The following PREX1 variants were observed in gnomAD, a reference collection of about 807,000 sequenced individuals.
The protein encoded by PREX1 is phosphatidylinositol-3,4,5-trisphosphate dependent Rac exchange factor 1.
A neutral mutation model predicts 198.3 loss-of-function variants in PREX1; 41 were observed. The ratio of observed to expected loss-of-function variants is 0.21; its 90% CI spans 0.16 to 0.27. The LOEUF is 0.27. Among genes scored for constraint, PREX1 ranks in the 10% least tolerant of loss-of-function variants. PREX1 has a pLI of 1.00. For synonymous variants in PREX1, 843 were observed against 887.2 expected (o/e 0.95, Z 0.89); for missense variants, 1,620 against 2,200.7 (o/e 0.74, Z 5.28).
chr20:48,679,230 G>T, intron 13 of PREX1, 130 bp downstream of exon 13: 1 of 763,584 alleles, frequency 1.3e-6, no homozygotes, highest in Non-Finnish European at 2.2e-6. Context: ...AAATCTAAAG[G>T]ATAGGTGCCA....
At chr20:48,849,121 C>G in the PREX1 span, among the ~76,000 whole-genome samples, 1 of 151,546 alleles carries the variant, frequency 6.6e-6, no homozygotes, top group Non-Finnish European at 1.5e-5. Context: ...AATGTTTGTG[C>G]ATTGCTAAAA....
intron 1 of PREX1, among the ~76,000 whole-genome samples, chr20:48,749,197 G>C (rs769081584): frequency 1.3e-5 from 2 of 152,190 alleles, no homozygotes; most frequent in Non-Finnish European, 2.9e-5. Context: ...CAGGATGTGG[G>C]ATCTGGCTGT....
intron 1 of PREX1, among the ~76,000 whole-genome samples, chr20:48,777,505 A>C (rs1245639569): frequency 6.6e-6 from 1 of 152,072 alleles, no homozygotes; most frequent in Non-Finnish European, 1.5e-5. Context: ...CCCTAACATC[A>C]CATCACAAAT....
chr20:48,697,635 C>T (rs1009036361), intron 7 of PREX1, among the ~76,000 whole-genome samples: 1 of 152,100 alleles, frequency 6.6e-6, no homozygotes, highest in African/African-American at 2.4e-5. Flanking sequence ...CCACCCTCCT[C>T]GGTCTCCCAA....
chr20:48,845,488 G>A, the PREX1 span, among the ~76,000 whole-genome samples: 4 of 152,068 alleles, frequency 2.6e-5, no homozygotes, highest in Admixed American at 6.6e-5. Context: ...AGATTGCTTG[G>A]GGCCAGGAGT....
chr20:48,634,093 T>TGGAC (rs1568791739), intron 33 of PREX1, among the ~76,000 whole-genome samples: 85 of 146,854 alleles, frequency 5.8e-4, no homozygotes, highest in African/African-American at 1.8e-3. Flanking sequence ...GACGGATGGA[T>TGGAC]GGATGGATGC....
chr20:48,766,850 C>T (rs185446576), intron 1 of PREX1, among the ~76,000 whole-genome samples: 172 of 152,154 alleles, frequency 1.1e-3, no homozygotes, highest in Non-Finnish European at 1.8e-3. Context: ...GGAGGGAGAC[C>T]CCTTTCTCTG....
chr20:48,856,504 A>G, the PREX1 span, among the ~76,000 whole-genome samples: 1 of 152,244 alleles, frequency 6.6e-6, no homozygotes, highest in South Asian at 2.1e-4. Context: ...TAGAGAAGGC[A>G]GGAGAACCAT....
chr20:48,836,057 A>C, the PREX1 span, among the ~76,000 whole-genome samples: 1 of 152,250 alleles, frequency 6.6e-6, no homozygotes, highest in Non-Finnish European at 1.5e-5. Context: ...TTAGTGGCTC[A>C]CGCCTATAAT....
chr20:48,743,238 T>C (rs916123263), intron 3 of PREX1, among the ~76,000 whole-genome samples: 1 of 152,170 alleles, frequency 6.6e-6, no homozygotes, highest in Non-Finnish European at 1.5e-5. Flanking sequence ...ACGTTGGCTG[T>C]TGGCTCCAGA....
At chr20:48,813,727 A>T (rs1428391056) in intron 1 of PREX1, among the ~76,000 whole-genome samples, 4 of 152,238 alleles carry the variant, frequency 2.6e-5, no homozygotes, top group Non-Finnish European at 4.4e-5. Flanking sequence ...GTTAACTCTG[A>T]AAAGAACATA....
At chr20:48,826,303 T>A (rs2090508423) in intron 1 of PREX1, among the ~76,000 whole-genome samples, 1 of 151,304 alleles carries the variant, frequency 6.6e-6, no homozygotes, top group Non-Finnish European at 1.5e-5. Context: ...GACTTTAGAG[T>A]CTCCTAACTT....
At chr20:48,765,633 G>A (rs1354985993) in intron 1 of PREX1, among the ~76,000 whole-genome samples, 1 of 152,212 alleles carries the variant, frequency 6.6e-6, no homozygotes, top group African/African-American at 2.4e-5. Context: ...AGAGGAGGAG[G>A]ACGGAGCCAG....
chr20:48,803,882 A>G (rs1363695490), intron 1 of PREX1, among the ~76,000 whole-genome samples: 1 of 152,230 alleles, frequency 6.6e-6, no homozygotes, highest in Non-Finnish European at 1.5e-5. Flanking sequence ...CTCCTGAGTC[A>G]AGTAAGCCCA....
At chr20:48,791,585 G>A (rs1004113663) in intron 1 of PREX1, among the ~76,000 whole-genome samples, 3 of 152,166 alleles carry the variant, frequency 2.0e-5, no homozygotes, top group East Asian at 1.9e-4. Flanking sequence ...CAAGCCCACC[G>A]TCCCAGTGAT....
the PREX1 span, among the ~76,000 whole-genome samples, chr20:48,854,997 C>T: frequency 2.0e-5 from 3 of 152,196 alleles, no homozygotes; most frequent in Non-Finnish European, 4.4e-5. Context: ...ATCATCACAA[C>T]CATATCCACC....
intron 16 of PREX1, among the ~76,000 whole-genome samples, chr20:48,659,359 G>C (rs1361632379): frequency 1.1e-4 from 17 of 147,866 alleles, no homozygotes; most frequent in Admixed American, 1.1e-3. Context: ...AAAGAGGAAA[G>C]AGAGAAGGGG....
At chr20:48,717,555 G>A (rs2089967932) in intron 5 of PREX1, among the ~76,000 whole-genome samples, 1 of 150,170 alleles carries the variant, frequency 6.7e-6, no homozygotes, top group East Asian at 1.9e-4. Flanking sequence ...AAGTCCAAGA[G>A]AACCCAGAAG....
Position 48,827,255 on chromosome 20 carries a change from CG to C in PREX1, c.219+386del, listed in dbSNP as rs1568656651. ...GGTATGTCCTAGATGAGTGGTGCAC[CG>C]GGCGCGTAGTTATTCCTGGGAAAAA... On this transcript the variant is annotated intron_variant, in intron 1 of 39. Transcript: ENST00000371941. This position sits in a 1 kb window ranked among gnomAD's most constrained non-coding sequence, Gnocchi z 4.1. Among the ~76,000 whole-genome samples the C allele has an allele frequency of 6.6e-6, 1 of 152,214 alleles. No homozygotes were observed. The highest frequency in any genetic ancestry group is 1.5e-5 in the Non-Finnish European group (1 of 68,042).
Sources: allele counts gnomAD v4.1 joint callset (sites outside exome capture counted in the v4.1 genomes callset), GRCh38; gene constraint gnomAD v4.1.1; non-coding constraint Gnocchi (gnomAD v3.1); transcripts MANE v1.5; gene names NCBI Gene and HGNC (gene_info 2026-07-23, HGNC 2026-07-21).